CDH8: variants seen among roughly 807,000 people sequenced by gnomAD.
CDH8 encodes cadherin-8.
A neutral mutation model predicts 68.1 loss-of-function variants in CDH8; 17 were observed. The observed-to-expected ratio is 0.25, with a 90% CI of 0.17 to 0.37. The LOEUF (loss-of-function observed/expected upper bound fraction) is 0.37. CDH8 is among the 10% of genes least tolerant of loss of function. CDH8 has a pLI of 1.00. For synonymous variants in CDH8, 372 were observed against 365.1 expected (o/e 1.02, Z -0.21); for missense variants, 763 against 999.3 (o/e 0.76, Z 3.19).
chr16:61,655,428 T>C lies in CDH8; in HGVS notation c.1906+42A>G, dbSNP rs1440746640. ...GTCCTTATTTACAGTCATTTATGAATCAGAAAAAGGGTGACCGGTAGGCTA... is the reference window on the plus strand; with the variant it reads ...GTCCTTATTTACAGTCATTTATGAACCAGAAAAAGGGTGACCGGTAGGCTA... On this transcript the variant is annotated intron_variant, in intron 11 of 11. Coordinates refer to ENST00000577390, the MANE Select transcript of CDH8 (RefSeq NM_001796.5). 52 of 1,603,848 alleles carry C rather than the reference T, an allele frequency of 3.2e-5. 2 individuals carry two copies. The highest frequency in any genetic ancestry group is 1.3e-4 in the African/African-American group (10 of 74,424).
At chr16:61,736,112 A>AAAGAAAGAAAGAAAGGAAGGAAGGAAGG (rs776989465) in intron 8 of CDH8, among the ~76,000 whole-genome samples, 3 of 116,464 alleles carry the variant, frequency 2.6e-5, no homozygotes, top group African/African-American at 1.1e-4. Context: ...AGAAAGAAAG[A>AAAGAAAGAAAGAAAGGAAGGAAGGAAGG]AAGGAAGGAA....
intron 9 of CDH8, among the ~76,000 whole-genome samples, chr16:61,715,162 TGTAA>T (rs1301045592): frequency 6.6e-6 from 1 of 151,784 alleles, no homozygotes; most frequent in South Asian, 2.1e-4. Flanking sequence ...AATCTTACTT[TGTAA>T]GTGTTTGATT....
At chr16:61,772,088 C>T (rs1960792081) in intron 8 of CDH8, among the ~76,000 whole-genome samples, 2 of 151,902 alleles carry the variant, frequency 1.3e-5, no homozygotes, top group African/African-American at 4.8e-5. Context: ...TTTCAGAACC[C>T]AGAGGTTTCT....
chr16:61,736,112 A>G lies in CDH8; in HGVS notation c.1415-8897T>C, dbSNP rs199955143. On this transcript the variant is annotated intron_variant, in intron 8 of 11. Coordinates refer to ENST00000577390, the MANE Select transcript of CDH8 (RefSeq NM_001796.5). ...ACAAGAAAGAAGGAAAGAAAGAAAG[A>G]AAGGAAGGAAGGAAGGAAGGAAGGA... Among the ~76,000 whole-genome samples the G allele has an allele frequency of 4.1e-3, 483 of 116,518 alleles. 6 individuals carry two copies. The highest frequency in any genetic ancestry group is 0.016 in the African/African-American group (439 of 27,200). The allele number at this position is 116,518 out of a possible 152,430, so 76.4% of individuals were successfully genotyped here.
chr16:61,807,389 G>A (rs572129513), intron 7 of CDH8, among the ~76,000 whole-genome samples: 2 of 151,228 alleles, frequency 1.3e-5, no homozygotes, highest in Non-Finnish European at 2.9e-5. Context: ...AAGTTAGTGG[G>A]TGCAGCGCAC....
At chr16:61,884,720 T>C (rs1246633497) in intron 3 of CDH8, among the ~76,000 whole-genome samples, 1 of 152,172 alleles carries the variant, frequency 6.6e-6, no homozygotes, top group African/African-American at 2.4e-5. Context: ...GCTTACTTTA[T>C]TGTAAGAATG....
chr16:61,669,147 TTC>T (rs1461152853), intron 10 of CDH8, among the ~76,000 whole-genome samples: 1 of 152,046 alleles, frequency 6.6e-6, no homozygotes, highest in Non-Finnish European at 1.5e-5. Context: ...AGATTTTGCA[TTC>T]ACACATATGA....
At chr16:62,034,707 A>G (rs1902411199) in intron 1 of CDH8, among the ~76,000 whole-genome samples, 1 of 152,068 alleles carries the variant, frequency 6.6e-6, no homozygotes, top group African/African-American at 2.4e-5. Flanking sequence ...CCTCCTAAGG[A>G]GGAAACTCTT....
chr16:61,959,558 G>GTGTGTA (rs146265454), intron 2 of CDH8, among the ~76,000 whole-genome samples: 80 of 145,224 alleles, frequency 5.5e-4, no homozygotes, highest in South Asian at 2.8e-3. Context: ...GTGTGTGTGT[G>GTGTGTA]TATATATATA....
At position 61,825,006 on chromosome 16, in the gene CDH8, A is replaced by C. The variant is rs765336861; in HGVS notation, c.835+6T>G. 6.2e-7 allele frequency: 1 copy of C among 1,607,070 alleles called. No homozygotes were observed. ...GATTCTCATCCAGTGCAGGAAATTAACTTACTCTGTGCAAATTTTGGAGGA... is the reference window on the plus strand; with the variant it reads ...GATTCTCATCCAGTGCAGGAAATTACCTTACTCTGTGCAAATTTTGGAGGA... On this transcript the variant is annotated splice_donor_region_variant and intron_variant, in intron 5 of 11. Coordinates refer to ENST00000577390, the MANE Select transcript of CDH8 (RefSeq NM_001796.5).
At chr16:61,718,274 T>C (rs373782400) in intron 9 of CDH8, among the ~76,000 whole-genome samples, 1 of 151,394 alleles carries the variant, frequency 6.6e-6, no homozygotes, top group Admixed American at 6.6e-5. Context: ...GCACACCAAG[T>C]GAACATTTAA....
chr16:61,695,522 C>T lies in CDH8; in HGVS notation c.1654+18319G>A, dbSNP rs187252261. On this transcript the variant is annotated intron_variant, in intron 10 of 11. Transcript: ENST00000577390. ...TGTGAAGACATTGGGCAGAACAACCCTGCAGATTCTGTCCTGAGCACCATA... is the reference window on the plus strand; with the variant it reads ...TGTGAAGACATTGGGCAGAACAACCTTGCAGATTCTGTCCTGAGCACCATA... Among the ~76,000 whole-genome samples, 773 of 152,256 alleles carry T rather than the reference C, an allele frequency of 5.1e-3. 5 individuals are homozygous for T. Among genetic ancestry groups the T allele is most frequent in the Admixed American group, 8.3e-3 (127 of 15,292 alleles).
intron 2 of CDH8, among the ~76,000 whole-genome samples, chr16:61,929,309 T>G (rs1456259936): frequency 6.6e-6 from 1 of 152,168 alleles, no homozygotes; most frequent in Non-Finnish European, 1.5e-5. Context: ...ATGGATGAAA[T>G]TACATATCTA....
chr16:61,964,534 A>AT (rs35337966), intron 2 of CDH8, among the ~76,000 whole-genome samples: 43,751 of 148,714 alleles, frequency 0.29, 7,174 homozygotes, highest in East Asian at 0.63. Context: ...AAGCTGAGAG[A>AT]TTTTTTTTTT....
intron 2 of CDH8, among the ~76,000 whole-genome samples, chr16:61,960,349 G>GTGTGTGTGTATACACATACATATATACA (rs1965126217): frequency 9.1e-5 from 2 of 22,074 alleles, no homozygotes; most frequent in African/African-American, 1.1e-3. Flanking sequence ...ATATATACAT[G>GTGTGTGTGTATACACATACATATATACA]TGTGTGTGTA....
intron 1 of CDH8, among the ~76,000 whole-genome samples, chr16:62,026,511 G>A (rs1902201864): frequency 6.6e-6 from 1 of 152,194 alleles, no homozygotes; most frequent in Non-Finnish European, 1.5e-5. Flanking sequence ...ACTTCCTCAT[G>A]TCATTGAATG....
At chr16:61,733,927 C>T (rs1453959950) in intron 8 of CDH8, among the ~76,000 whole-genome samples, 3 of 151,834 alleles carry the variant, frequency 2.0e-5, no homozygotes, top group African/African-American at 7.3e-5. Flanking sequence ...GTAATCTAAC[C>T]CATAATCTTA....
chr16:61,724,756 C>CCA (rs1209881741), intron 9 of CDH8, among the ~76,000 whole-genome samples: 9 of 150,838 alleles, frequency 6.0e-5, no homozygotes, highest in Non-Finnish European at 1.2e-4. Context: ...AAGGAATATT[C>CCA]TAGTTCCATA....
At chr16:61,772,001 A>G (rs1960790449) in intron 8 of CDH8, among the ~76,000 whole-genome samples, 1 of 151,962 alleles carries the variant, frequency 6.6e-6, no homozygotes, top group Admixed American at 6.6e-5. Flanking sequence ...GCATCATTCC[A>G]GGCTTATTTG....
Sources: gnomAD v4.1 joint callset for allele counts (sites outside exome capture counted in the v4.1 genomes callset) on GRCh38, gnomAD v4.1.1 for gene constraint, MANE v1.5 for transcripts, NCBI Gene and HGNC (gene_info 2026-07-23, HGNC 2026-07-21) for gene names.